NCAM2: variants seen among roughly 807,000 people sequenced by gnomAD.
The protein encoded by NCAM2 is neural cell adhesion molecule 2, also known as N-CAM-2.
NCAM2 carries 30 observed loss-of-function variants against 98.1 expected under a neutral mutation model. The observed-to-expected ratio is 0.31, with a 90% CI of 0.23 to 0.41. The LOEUF (loss-of-function observed/expected upper bound fraction) is 0.41, where lower values mean the gene tolerates loss of function less well. Ranked by LOEUF, NCAM2 falls within the 10% of genes least tolerant of loss-of-function variation. The probability of loss-of-function intolerance (pLI) is 1.00; values close to 1 mark genes in which losing one functional copy is unlikely to be tolerated. For missense variants in NCAM2, 867 were observed against 1,005.8 expected, an observed-to-expected ratio of 0.86 and a Z score of 1.87; for synonymous variants, 368 against 342.4, an observed-to-expected ratio of 1.07 and a Z score of -0.83.
chr21:21,483,971 A>G lies in NCAM2; in HGVS notation c.2077+6500A>G, dbSNP rs547013983. 1.8e-4 allele frequency among the ~76,000 whole-genome samples: 28 copies of G among 152,248 alleles called. 1 individual carries two copies. In the South Asian group the frequency reaches 5.8e-3, roughly 32 times the overall value. On this transcript the variant is annotated intron_variant, in intron 15 of 17. Transcript: ENST00000400546. Reference sequence around the variant, plus strand: ...ATTAAAATAGAATGGCTTTTATTAAATATATCCTAAGAAATTACGGTAGAA... The same window carrying G: ...ATTAAAATAGAATGGCTTTTATTAAGTATATCCTAAGAAATTACGGTAGAA...
At chr21:21,247,304 G>A (rs892124502) in intron 1 of NCAM2, among the ~76,000 whole-genome samples, 7 of 152,122 alleles carry the variant, frequency 4.6e-5, no homozygotes, top group African/African-American at 1.7e-4. Flanking sequence ...GGGCGACAGA[G>A]CAAGACTCCG....
chr21:21,233,660 A>G (rs1568808280), intron 1 of NCAM2, among the ~76,000 whole-genome samples: 1 of 151,676 alleles, frequency 6.6e-6, no homozygotes, highest in Non-Finnish European at 1.5e-5. Flanking sequence ...GTGAGTACAA[A>G]CGATGTTTTG....
At position 21,026,855 on chromosome 21, in the gene NCAM2, CTTTTTTTTTTT is replaced by C. The variant is rs752588922; in HGVS notation, c.55+28246_55+28256del. Among the ~76,000 whole-genome samples, 3 of 126,800 alleles carry C rather than the reference CTTTTTTTTTTT, an allele frequency of 2.4e-5. 1 individual carries two copies. Among genetic ancestry groups the C allele is most frequent in the East Asian group, 4.5e-4 (2 of 4,476 alleles). The allele number at this position is 126,800 out of a possible 152,430, so 83.2% of individuals were successfully genotyped here. A position where few individuals can be genotyped will look rare whatever the true frequency, so the allele number is the denominator to read the frequency against. ...GCAAATGTTTTCTTTTCTTCTTCTT[CTTTTTTTTTTT>C]TTTTTTTTGAGACAGCATCTCATTC... On this transcript the variant is annotated intron_variant, in intron 1 of 17. Coordinates refer to ENST00000400546, the MANE Select transcript of NCAM2 (RefSeq NM_004540.5).
chr21:21,388,252 G>A (rs1271067925), intron 9 of NCAM2, among the ~76,000 whole-genome samples: 1 of 152,180 alleles, frequency 6.6e-6, no homozygotes, highest in Non-Finnish European at 1.5e-5. Flanking sequence ...TAATACACTA[G>A]CCTTCTATTT....
Position 21,460,683 on chromosome 21 carries a change from G to A in NCAM2, c.1655-5923G>A, listed in dbSNP as rs1982840377. Among the ~76,000 whole-genome samples the A allele has an allele frequency of 1.3e-5, 2 of 151,958 alleles. 1 individual carries two copies. ...TATTATTTTACATTTAAAATGTGTA[G>A]GCTAGATGAGGGCTGAGGACAGTAT... On this transcript the variant is annotated intron_variant, in intron 12 of 17. Transcript: ENST00000400546.
intron 14 of NCAM2, among the ~76,000 whole-genome samples, chr21:21,469,559 G>C (rs1984162406): frequency 6.6e-6 from 1 of 151,840 alleles, no homozygotes; most frequent in Admixed American, 6.6e-5. Context: ...TGCTTATGTT[G>C]ACTGAATCCA....
At chr21:21,300,883 C>A (rs2073687814) in intron 5 of NCAM2, among the ~76,000 whole-genome samples, 1 of 151,684 alleles carries the variant, frequency 6.6e-6, no homozygotes, top group South Asian at 2.1e-4. Flanking sequence ...TAATGCACTT[C>A]CAGATATCTT....
chr21:21,212,050 G>T (rs1213030619), intron 1 of NCAM2, among the ~76,000 whole-genome samples: 2 of 152,178 alleles, frequency 1.3e-5, no homozygotes, highest in Admixed American at 1.3e-4. Context: ...ACGATTTCGT[G>T]CTTGGGCATG....
At chr21:21,366,380 A>G (rs1407048450) in intron 8 of NCAM2, among the ~76,000 whole-genome samples, 1 of 152,096 alleles carries the variant, frequency 6.6e-6, no homozygotes, top group Non-Finnish European at 1.5e-5. Context: ...GGTACTAATT[A>G]TATCACTGAT....
chr21:21,451,987 T>C (rs896715379), intron 12 of NCAM2, among the ~76,000 whole-genome samples: 6 of 152,102 alleles, frequency 3.9e-5, no homozygotes, highest in Non-Finnish European at 8.8e-5. Flanking sequence ...CAAATGATTC[T>C]CACTTAATTC....
rs910906644 is a variant in NCAM2 at position 21,538,398 on chromosome 21, C to T, written c.*441C>T. On this transcript the variant is annotated 3_prime_UTR_variant, in exon 18 of 18. Coordinates refer to ENST00000400546, the MANE Select transcript of NCAM2 (RefSeq NM_004540.5). ...GCAAATAGATTCTTAAAGTGGCTTT[C>T]AACTTCAAGATGAAGGAGCTTAATA... 1 of 152,644 alleles carries T rather than the reference C, an allele frequency of 6.6e-6. No homozygotes were observed. Among genetic ancestry groups the T allele is most frequent in the Non-Finnish European group, 1.5e-5 (1 of 68,082 alleles). 9.5% of individuals were successfully genotyped at this position (152,644 alleles called of 1,614,324 possible).
At chr21:21,514,755 T>G (rs2146371045) in intron 16 of NCAM2, among the ~76,000 whole-genome samples, 1 of 152,294 alleles carries the variant, frequency 6.6e-6, no homozygotes, top group Admixed American at 6.5e-5. Flanking sequence ...GAAAATGTCA[T>G]TCTTTTCTCA....
At chr21:21,017,679 G>A (rs1392449056) in intron 1 of NCAM2, among the ~76,000 whole-genome samples, 1 of 152,092 alleles carries the variant, frequency 6.6e-6, no homozygotes, top group Non-Finnish European at 1.5e-5. Flanking sequence ...ATCATGGTTT[G>A]AAGCACTTGG....
Position 21,292,103 on chromosome 21 carries a change from G to A in NCAM2, c.482-1G>A. On this transcript the variant is annotated splice_acceptor_variant, in intron 4 of 17. Transcript: ENST00000400546. LOFTEE classifies it high-confidence loss of function. ...TTTTCTCCCCTTTGCTTTCTTTCCA[G>A]ATCGGTTCGCTATGTTAGCAAACAA... 6.2e-7 allele frequency: 1 copy of A among 1,607,326 alleles called. No individual in the cohort carries two copies. Among genetic ancestry groups the A allele is most frequent in the Non-Finnish European group, 8.5e-7 (1 of 1,176,724 alleles).
At chr21:21,179,156 A>G (rs907255485) in intron 1 of NCAM2, among the ~76,000 whole-genome samples, 1 of 152,162 alleles carries the variant, frequency 6.6e-6, no homozygotes, top group Non-Finnish European at 1.5e-5. Context: ...ATCTTAATGA[A>G]TTTAAGATTT....
At chr21:21,418,393 A>T in intron 10 of NCAM2, 80 bp from the exon 11 acceptor site, 1 of 966,834 alleles carries the variant, frequency 1.0e-6, no homozygotes, top group East Asian at 2.4e-5. Flanking sequence ...AATGTGTGAA[A>T]GTGGTAGTCA....
chr21:21,230,107 A>G (rs2070560329), intron 1 of NCAM2, among the ~76,000 whole-genome samples: 1 of 151,188 alleles, frequency 6.6e-6, no homozygotes, highest in Non-Finnish European at 1.5e-5. Context: ...CATATTCATG[A>G]CATGCCTGAT....
chr21:21,033,815 T>C (rs1347469353), intron 1 of NCAM2, among the ~76,000 whole-genome samples: 1 of 152,110 alleles, frequency 6.6e-6, no homozygotes, highest in Non-Finnish European at 1.5e-5. Context: ...CAAATATAGA[T>C]TTTTCTCTAT....
At chr21:21,306,947 T>G (rs1484311986) in intron 5 of NCAM2, among the ~76,000 whole-genome samples, 1 of 152,096 alleles carries the variant, frequency 6.6e-6, no homozygotes, top group Non-Finnish European at 1.5e-5. Flanking sequence ...GTATGCAATG[T>G]TTGCTCTTCT....
Sources: allele counts gnomAD v4.1 joint callset (sites outside exome capture counted in the v4.1 genomes callset), GRCh38; gene constraint gnomAD v4.1.1; transcripts MANE v1.5; gene names NCBI Gene and HGNC (gene_info 2026-07-23, HGNC 2026-07-21).